CCNE1: variants seen among roughly 807,000 people sequenced by gnomAD.
CCNE1 encodes cyclin E1.
CCNE1 carries 8 observed loss-of-function variants against 54.1 expected under a neutral mutation model. The observed-to-expected ratio is 0.15, with a 90% CI of 0.09 to 0.27. The LOEUF (loss-of-function observed/expected upper bound fraction) is 0.27. CCNE1 is among the 10% of genes least tolerant of loss of function. The pLI is 1.00. For missense variants in CCNE1, 430 were observed against 514.9 expected (o/e 0.84, Z 1.60); for synonymous variants, 179 against 185.2 (o/e 0.97, Z 0.27).
chr19:29,822,367 A>G lies in CCNE1; in HGVS notation c.952+16A>G, dbSNP rs565515522. ...AAGGTTTCAGGTAAGTTGGCTTTCC[A>G]GTGCATGCACAAACAAGGTGTACTA... On this transcript the variant is annotated intron_variant, in intron 10 of 11. Transcript: ENST00000262643. 157 of 1,613,808 alleles carry G rather than the reference A, an allele frequency of 9.7e-5. 2 individuals are homozygous for G. In the South Asian group the frequency reaches 1.6e-3, roughly 17 times the overall value.
chr19:29,815,622 CTTTT>C (rs778868229), intron 4 of CCNE1, among the ~76,000 whole-genome samples: 2 of 99,644 alleles, frequency 2.0e-5, no homozygotes, highest in Non-Finnish European at 4.1e-5. Context: ...ATGGTCTCTG[CTTTT>C]TTTTTTTTTT....
At chr19:29,815,280 C>A (rs1973985806) in intron 4 of CCNE1, among the ~76,000 whole-genome samples, 1 of 152,222 alleles carries the variant, frequency 6.6e-6, no homozygotes, top group African/African-American at 2.4e-5. Flanking sequence ...GAATGAAGAA[C>A]AACTTACAGC....
At chr19:29,814,972 T>C (rs1973977778) in intron 4 of CCNE1, among the ~76,000 whole-genome samples, 1 of 152,018 alleles carries the variant, frequency 6.6e-6, no homozygotes. Flanking sequence ...GGAGTTGGAG[T>C]GGTTAGGAAT....
Position 29,820,776 on chromosome 19 carries a change from A to G in CCNE1, c.537A>G (p.Thr179=). 1 of 1,610,360 alleles carries G rather than the reference A, an allele frequency of 6.2e-7. No individual in the cohort carries two copies. The highest frequency in any genetic ancestry group is 8.5e-7 in the Non-Finnish European group (1 of 1,176,956). The change falls in exon 7 of 12, where the codon ACA becomes ACG. Residue 179 remains threonine, a synonymous_variant. Coordinates refer to ENST00000262643, the MANE Select transcript of CCNE1 (RefSeq NM_001238.4). ...AQDFFDRYMA[T]QENVVKTLLQ... ...ATTTCTTTGACCGGTATATGGCGAC[A>G]CAAGAAAATGTTGTAAAAACTCTTT...
rs141027304 is a variant in CCNE1 at position 29,817,259 on chromosome 19, A to C, written c.303A>C (p.Arg101Ser). Residue 101 changes from arginine (R) to serine (S), a missense_variant, in exon 5 of 12, where the codon AGA (arginine) becomes AGC (serine). Physicochemically the swap from Arg to Ser is moderately radical, Grantham distance 110. This residue lies in a region of CCNE1 where 303 missense variants were observed against 401.1 expected (regional missense o/e 0.76). Transcript: ENST00000262643. The stretch of plus-strand genomic sequence containing the variant: ...AGCCTCGGATTATTGCACCATCCAG[A>C]GGCTCCCCGCTGCCTGTACTGAGGT... ...TCKPRIIAPS[R>S]GSPLPVLSWA... 6.2e-7 allele frequency: 1 copy of C among 1,614,162 alleles called. No individual in the cohort carries two copies. The highest frequency in any genetic ancestry group is 1.3e-5 in the African/African-American group (1 of 75,044).
intron 11 of CCNE1, among the ~76,000 whole-genome samples, chr19:29,823,144 C>T (rs918319316): frequency 6.6e-6 from 1 of 151,950 alleles, no homozygotes; most frequent in African/African-American, 2.4e-5. Flanking sequence ...TAGAAAAAGA[C>T]ATAGTGGCCA....
At position 29,823,920 on chromosome 19, in the gene CCNE1, GCAT is replaced by G. The variant is rs1974216501; in HGVS notation, c.*146_*148del. On this transcript the variant is annotated 3_prime_UTR_variant, in exon 12 of 12. Transcript: ENST00000262643. ...CACAACAGAAGTATTTCTGTGGATG[GCAT>G]CAAACAGGGCAAAGTGTTTTTTATT... 2 of 942,736 alleles carry G rather than the reference GCAT, an allele frequency of 2.1e-6. No individual in the cohort carries two copies. The highest frequency in any genetic ancestry group is 4.2e-5 in the South Asian group (2 of 47,856). The allele number at this position is 942,736 out of a possible 1,614,324, so 58.4% of individuals were successfully genotyped here. A position where few individuals can be genotyped will look rare whatever the true frequency, so the allele number is the denominator to read the frequency against.
chr19:29,813,007 C>T lies in CCNE1; in HGVS notation c.150C>T (p.Asp50=), dbSNP rs2145715884. Residue 50 remains aspartate, a synonymous_variant, in exon 4 of 12, where the codon GAC becomes GAT. Transcript: ENST00000262643. ...CAGATGAAGAAATGGCCAAAATCGA[C>T]AGGACGGCGAGGGACCAGTGTGGGA... ...QDPDEEMAKI[D]RTARDQCGSQ... The T allele has an allele frequency of 6.2e-7, 1 of 1,614,136 alleles. No individual in the cohort carries two copies. The highest frequency in any genetic ancestry group is 1.1e-5 in the South Asian group (1 of 91,080).
At position 29,816,705 on chromosome 19, in the gene CCNE1, CT is replaced by C. The variant is rs544527590; in HGVS notation, c.181-424del. On this transcript the variant is annotated intron_variant, in intron 4 of 11. Coordinates refer to ENST00000262643, the MANE Select transcript of CCNE1 (RefSeq NM_001238.4). Reference sequence around the variant, plus strand: ...TGGCAGCCAAATTTACATTTTTGATCTTTTTTTTATTATACTTTTAAGTTTT... The same window carrying C: ...TGGCAGCCAAATTTACATTTTTGATCTTTTTTTATTATACTTTTAAGTTTT... Among the ~76,000 whole-genome samples the C allele has an allele frequency of 4.9e-3, 752 of 152,112 alleles. 8 individuals are homozygous for C. Among genetic ancestry groups the C allele is most frequent in the African/African-American group, 0.017 (718 of 41,506 alleles).
intron 1 of CCNE1, 132 bp downstream of exon 1, chr19:29,812,284 AG>A (rs1170073052): frequency 1.1e-5 from 2 of 180,232 alleles, no homozygotes; most frequent in Non-Finnish European, 2.2e-5. Flanking sequence ...GAGGGTGCTG[AG>A]AGCGCGGCGG....
intron 4 of CCNE1, among the ~76,000 whole-genome samples, chr19:29,816,680 T>C (rs1415308352): frequency 6.6e-6 from 1 of 152,240 alleles, no homozygotes; most frequent in African/African-American, 2.4e-5. Flanking sequence ...TTAATACATA[T>C]GGCAGCCAAA....
intron 4 of CCNE1, among the ~76,000 whole-genome samples, chr19:29,814,981 A>T (rs1973977950): frequency 6.6e-6 from 1 of 152,216 alleles, no homozygotes; most frequent in Non-Finnish European, 1.5e-5. Flanking sequence ...GTGGTTAGGA[A>T]TCCCGTGGGT....
intron 4 of CCNE1, among the ~76,000 whole-genome samples, chr19:29,815,169 A>G (rs1271622165): frequency 6.6e-6 from 1 of 152,062 alleles, no homozygotes; most frequent in Admixed American, 6.5e-5. Flanking sequence ...CTGCTGCTGG[A>G]CTCATCTATG....
chr19:29,818,912 G>A (rs1414136128), intron 6 of CCNE1, among the ~76,000 whole-genome samples: 3 of 152,032 alleles, frequency 2.0e-5, no homozygotes, highest in Non-Finnish European at 4.4e-5. Context: ...ACAGGCATAC[G>A]CCACCACGCC....
intron 4 of CCNE1, among the ~76,000 whole-genome samples, chr19:29,813,766 A>G (rs1973947621): frequency 6.6e-6 from 1 of 152,162 alleles, no homozygotes; most frequent in Admixed American, 6.5e-5. Context: ...ATAATATCAG[A>G]AGTTTCTTGC....
intron 9 of CCNE1, 24 bp downstream of exon 9, chr19:29,822,154 G>A (rs2145728979): frequency 1.2e-6 from 2 of 1,611,854 alleles, no homozygotes; most frequent in African/African-American, 1.3e-5. Flanking sequence ...TCACGTCCGT[G>A]GGGCCACCTT....
At chr19:29,819,298 G>A (rs924951538) in intron 6 of CCNE1, among the ~76,000 whole-genome samples, 4 of 151,116 alleles carry the variant, frequency 2.6e-5, no homozygotes, top group African/African-American at 7.3e-5. Flanking sequence ...TGGCTTCTGT[G>A]TTTTGAGACA....
chr19:29,816,974 C>CT (rs765980268), intron 4 of CCNE1, among the ~76,000 whole-genome samples, 163 bp from the exon 5 acceptor site: 19 of 151,680 alleles, frequency 1.3e-4, no homozygotes, highest in Non-Finnish European at 2.5e-4. Context: ...TTAAAAAAAT[C>CT]TTTGAGTTGT....
chr19:29,819,880 C>T (rs758176891), intron 6 of CCNE1, among the ~76,000 whole-genome samples: 4 of 152,200 alleles, frequency 2.6e-5, no homozygotes, highest in Admixed American at 6.5e-5. Context: ...AGAAGTACCC[C>T]TCATCCTCGG....
Sources: allele counts gnomAD v4.1 joint callset (sites outside exome capture counted in the v4.1 genomes callset), GRCh38; gene constraint gnomAD v4.1.1; regional missense constraint gnomAD v4.1.1; transcripts MANE v1.5; gene names NCBI Gene and HGNC (gene_info 2026-07-23, HGNC 2026-07-21).